FILIP1L: variants seen among roughly 807,000 people sequenced by gnomAD.
FILIP1L encodes the protein filamin A-interacting protein 1-like.
FILIP1L carries 55 observed loss-of-function variants against 96.6 expected under a neutral mutation model. The observed-to-expected ratio is 0.57, with a 90% CI of 0.46 to 0.71. The LOEUF (loss-of-function observed/expected upper bound fraction) is 0.71, where lower values mean the gene tolerates loss of function less well. FILIP1L is among the 30% of genes least tolerant of loss of function. The pLI is 0.00. For synonymous variants in FILIP1L, 467 were observed against 473.9 expected, an observed-to-expected ratio of 0.99 and a Z score of 0.19; for missense variants, 1,304 against 1,321.2, an observed-to-expected ratio of 0.99 and a Z score of 0.20.
intron 1 of FILIP1L, among the ~76,000 whole-genome samples, chr3:99,984,048 A>G (rs116732515): frequency 6.6e-4 from 98 of 147,682 alleles, no homozygotes; most frequent in South Asian, 1.5e-3. Context: ...AAGGATGTAT[A>G]TGTATGTGTG....
At chr3:99,942,731 A>G (rs1707887547) in intron 1 of FILIP1L, among the ~76,000 whole-genome samples, 1 of 152,066 alleles carries the variant, frequency 6.6e-6, no homozygotes, top group Non-Finnish European at 1.5e-5. Flanking sequence ...CTGGAGGCTG[A>G]GGCAGGAGAA....
chr3:99,849,708 A>G lies in FILIP1L; in HGVS notation c.1968T>C (p.Tyr656=). ...EDDLMKTEDE[Y]ETLERRYANE... ...TAGCATACCTTCGTTCTAGAGTCTC[A>G]TATTCATCTTCTGTTTTCATGAGGT... Residue 656 remains tyrosine, a synonymous_variant, in exon 5 of 6, where the codon TAT becomes TAC. Coordinates refer to ENST00000477258, the MANE Select transcript of FILIP1L (RefSeq NM_001387850.1). 6.2e-7 allele frequency: 1 copy of G among 1,613,702 alleles called. No individual in the cohort carries two copies.
Position 100,006,727 on chromosome 3 carries a change from A to G in FILIP1L, c.-10-75697T>C, listed in dbSNP as rs73138653. Among the ~76,000 whole-genome samples the G allele has an allele frequency of 2.9e-3, 437 of 152,104 alleles. 2 individuals are homozygous for G. Among genetic ancestry groups the G allele is most frequent in the Non-Finnish European group, 4.5e-3 (309 of 67,996 alleles). On this transcript the variant is annotated intron_variant, in intron 1 of 5. Coordinates refer to ENST00000477258, the MANE Select transcript of FILIP1L (RefSeq NM_001387850.1). ...TAGTGACTCCCAGAGTTTGCTAGTT[A>G]AGTTAGGAAATTAAAAGTAAGAGCT...
chr3:100,097,932 T>C (rs1454868274), intron 1 of FILIP1L, among the ~76,000 whole-genome samples: 3 of 152,246 alleles, frequency 2.0e-5, no homozygotes, highest in Non-Finnish European at 4.4e-5. Context: ...ATTTATTTTG[T>C]TGGTTTTTTA....
At chr3:100,082,556 G>T (rs970595407) in intron 1 of FILIP1L, among the ~76,000 whole-genome samples, 1 of 152,188 alleles carries the variant, frequency 6.6e-6, no homozygotes, top group Non-Finnish European at 1.5e-5. Context: ...GAATGAGCCA[G>T]CTTTGAAGAC....
At chr3:99,853,432 T>C (rs1943803160) in intron 4 of FILIP1L, among the ~76,000 whole-genome samples, 1 of 152,242 alleles carries the variant, frequency 6.6e-6, no homozygotes, top group Non-Finnish European at 1.5e-5. Flanking sequence ...GGGTGTGTTT[T>C]CTTAGGATAT....
chr3:99,876,148 C>A, intron 4 of FILIP1L: 1 of 986,142 alleles, frequency 1.0e-6, no homozygotes, highest in South Asian at 4.7e-5. Flanking sequence ...CGACTGTGCG[C>A]GCTCCGAGAG....
At position 99,833,030 on chromosome 3, in the gene FILIP1L, AT is replaced by A. The variant is rs1942748680; in HGVS notation, c.3382-2426del. 4 of 572,736 alleles carry A rather than the reference AT, an allele frequency of 7.0e-6. No homozygotes were observed. In the Admixed American group the frequency reaches 1.4e-4, roughly 20 times the overall value. 35.5% of individuals were successfully genotyped at this position (572,736 alleles called of 1,614,324 possible). A position where few individuals can be genotyped will look rare whatever the true frequency, so the allele number is the denominator to read the frequency against. Reference sequence around the variant, plus strand: ...TGCATATTGCAAGAGAAATACATGCATATGGCTCTTTTAAGACCACACAGTG... The same window carrying A: ...TGCATATTGCAAGAGAAATACATGCAATGGCTCTTTTAAGACCACACAGTG... On this transcript the variant is annotated intron_variant, in intron 5 of 5. Transcript: ENST00000477258.
chr3:99,938,080 C>T (rs758030602), intron 1 of FILIP1L, among the ~76,000 whole-genome samples: 20 of 149,472 alleles, frequency 1.3e-4, no homozygotes, highest in African/African-American at 2.5e-4. Flanking sequence ...TGTGTGCGCG[C>T]GCGCGCGCGC....
chr3:99,985,377 G>C (rs1462402366), intron 1 of FILIP1L, among the ~76,000 whole-genome samples: 1 of 151,920 alleles, frequency 6.6e-6, no homozygotes, highest in Non-Finnish European at 1.5e-5. Flanking sequence ...ACAACAAATA[G>C]AAAAATTAGC....
chr3:100,050,136 G>A (rs1364566828), intron 1 of FILIP1L, among the ~76,000 whole-genome samples: 3 of 152,094 alleles, frequency 2.0e-5, no homozygotes, highest in Non-Finnish European at 4.4e-5. Context: ...GGTAGTGTTC[G>A]GGGGCAAATT....
chr3:99,968,447 TG>T (rs1708720346), intron 1 of FILIP1L, among the ~76,000 whole-genome samples: 2 of 149,146 alleles, frequency 1.3e-5, no homozygotes, highest in Non-Finnish European at 3.0e-5. Context: ...AAAAAAAGAC[TG>T]AATGATATGT....
At chr3:99,880,810 G>C (rs1705700373) in intron 4 of FILIP1L, among the ~76,000 whole-genome samples, 2 of 152,022 alleles carry the variant, frequency 1.3e-5, no homozygotes, top group South Asian at 4.2e-4. Flanking sequence ...TCAATGTACT[G>C]TGTTTCTTTT....
At chr3:100,065,261 C>T (rs942576641) in intron 1 of FILIP1L, among the ~76,000 whole-genome samples, 4 of 152,154 alleles carry the variant, frequency 2.6e-5, no homozygotes, top group Non-Finnish European at 4.4e-5. Context: ...TATGTTTTAA[C>T]GAGAATATCC....
intron 1 of FILIP1L, among the ~76,000 whole-genome samples, chr3:99,956,041 G>A (rs533608986): frequency 1.3e-5 from 2 of 152,316 alleles, no homozygotes; most frequent in South Asian, 4.1e-4. Context: ...TTCAGTAAGT[G>A]TTCATTGACT....
At chr3:100,068,315 GCATAGTGAGACAAA>G (rs1279048379) in intron 1 of FILIP1L, among the ~76,000 whole-genome samples, 3 of 151,820 alleles carry the variant, frequency 2.0e-5, no homozygotes, top group Non-Finnish European at 4.4e-5. Context: ...CTGGATGGAT[GCATAGTGAGACAAA>G]CATGAATGAT....
chr3:99,994,475 A>G (rs370703524), intron 1 of FILIP1L, among the ~76,000 whole-genome samples: 5 of 152,250 alleles, frequency 3.3e-5, no homozygotes, highest in Non-Finnish European at 4.4e-5. Flanking sequence ...GGTCGATCAC[A>G]TGTTAGGCCA....
intron 1 of FILIP1L, among the ~76,000 whole-genome samples, chr3:100,047,960 A>T (rs1216002724): frequency 2.0e-5 from 3 of 152,334 alleles, no homozygotes; most frequent in Middle Eastern, 3.4e-3. Context: ...TGAAAGAACG[A>T]ATTGTCCCTC....
intron 4 of FILIP1L, among the ~76,000 whole-genome samples, chr3:99,868,275 C>T (rs1241036855): frequency 6.6e-6 from 1 of 152,126 alleles, no homozygotes; most frequent in Non-Finnish European, 1.5e-5. Context: ...GGTAACCTCT[C>T]CTTACAGAGT....
Sources: allele counts gnomAD v4.1 joint callset (sites outside exome capture counted in the v4.1 genomes callset), GRCh38; gene constraint gnomAD v4.1.1; transcripts MANE v1.5; gene names NCBI Gene and HGNC (gene_info 2026-07-23, HGNC 2026-07-21).